FNBP1L: variants seen among roughly 807,000 people sequenced by gnomAD.
FNBP1L encodes the protein formin-binding protein 1-like.
In FNBP1L, 36 loss-of-function variants were observed where a neutral mutation model predicts 91.2. That is an observed-to-expected ratio of 0.39 (90% CI 0.30 to 0.52). The LOEUF (loss-of-function observed/expected upper bound fraction) is 0.52, where lower values mean the gene tolerates loss of function less well. Ranked by LOEUF, FNBP1L falls within the 20% of genes least tolerant of loss-of-function variation. The pLI is 0.66. For synonymous variants in FNBP1L, 242 were observed against 237.0 expected (o/e 1.02, Z -0.19); for missense variants, 571 against 732.1 (o/e 0.78, Z 2.54).
At chr1:93,547,511 A>G in intron 14 of FNBP1L, 70 bp downstream of exon 14, 3 of 1,310,960 alleles carry the variant, frequency 2.3e-6, no homozygotes, top group Non-Finnish European at 3.1e-6. Flanking sequence ...TAAACTTTAT[A>G]CAATTCGTTT....
chr1:93,450,949 TC>T (rs1668474736), intron 1 of FNBP1L, among the ~76,000 whole-genome samples: 1 of 152,230 alleles, frequency 6.6e-6, no homozygotes, highest in Admixed American at 6.5e-5. Flanking sequence ...GCTGAGTGGA[TC>T]GTGTCAGACT....
At chr1:93,498,785 G>C (rs1342449755) in intron 1 of FNBP1L, among the ~76,000 whole-genome samples, 5 of 152,146 alleles carry the variant, frequency 3.3e-5, no homozygotes, top group African/African-American at 9.7e-5. Flanking sequence ...TCATTATCAT[G>C]TTTCCTGCAT....
intron 2 of FNBP1L, among the ~76,000 whole-genome samples, chr1:93,513,254 A>C (rs1428471810): frequency 9.2e-5 from 14 of 151,552 alleles, no homozygotes; most frequent in South Asian, 6.3e-4. Context: ...CAATAACAGG[A>C]TCTGAAATTG....
intron 2 of FNBP1L, among the ~76,000 whole-genome samples, chr1:93,517,324 C>CT (rs1320366909): frequency 1.3e-5 from 2 of 151,712 alleles, no homozygotes; most frequent in South Asian, 2.1e-4. Context: ...TAAGTGTCTT[C>CT]TTTTTTTTCT....
At chr1:93,495,650 G>A (rs1475325117) in intron 1 of FNBP1L, among the ~76,000 whole-genome samples, 1 of 152,024 alleles carries the variant, frequency 6.6e-6, no homozygotes, top group Admixed American at 6.6e-5. Flanking sequence ...TTTCAAATTT[G>A]TTGACATTTT....
intron 1 of FNBP1L, among the ~76,000 whole-genome samples, chr1:93,468,720 T>G (rs1158575808): frequency 2.0e-5 from 3 of 152,206 alleles, no homozygotes; most frequent in Non-Finnish European, 4.4e-5. Flanking sequence ...TGTAAGCCAC[T>G]ACACCTGGCC....
At chr1:93,479,398 C>G (rs1247073677) in intron 1 of FNBP1L, among the ~76,000 whole-genome samples, 1 of 152,194 alleles carries the variant, frequency 6.6e-6, no homozygotes, top group Non-Finnish European at 1.5e-5. Flanking sequence ...CACGTATTAT[C>G]TTGATAAATA....
chr1:93,528,381 AC>A (rs1331553134), intron 5 of FNBP1L, among the ~76,000 whole-genome samples: 1 of 152,208 alleles, frequency 6.6e-6, no homozygotes, highest in Non-Finnish European at 1.5e-5. Flanking sequence ...CAGGATAGTT[AC>A]ACAGGAAGCC....
At chr1:93,470,849 G>A (rs1055335668) in intron 1 of FNBP1L, among the ~76,000 whole-genome samples, 1 of 150,338 alleles carries the variant, frequency 6.7e-6, no homozygotes, top group Non-Finnish European at 1.5e-5. Flanking sequence ...CTGCAGCCTG[G>A]GTGACAGAGC....
chr1:93,481,244 T>C (rs926993324), intron 1 of FNBP1L, among the ~76,000 whole-genome samples: 2 of 152,016 alleles, frequency 1.3e-5, no homozygotes, highest in Non-Finnish European at 2.9e-5. Context: ...TGTGTGCTCC[T>C]TTTTTTTCCC....
At chr1:93,497,560 T>C (rs1670307663) in intron 1 of FNBP1L, among the ~76,000 whole-genome samples, 3 of 152,200 alleles carry the variant, frequency 2.0e-5, no homozygotes, top group African/African-American at 7.2e-5. Flanking sequence ...AGTGTTCAAC[T>C]AGGAGTTTAT....
chr1:93,490,209 G>A (rs1670048103), intron 1 of FNBP1L, among the ~76,000 whole-genome samples: 3 of 152,084 alleles, frequency 2.0e-5, no homozygotes. Context: ...ACAGATAAAA[G>A]CAAGAAGACT....
chr1:93,537,165 TTGTTTA>T (rs1283288134), intron 10 of FNBP1L, among the ~76,000 whole-genome samples: 1 of 152,146 alleles, frequency 6.6e-6, no homozygotes, highest in African/African-American at 2.4e-5. Context: ...CTAATTTTTC[TTGTTTA>T]TGTTTGATTT....
intron 10 of FNBP1L, among the ~76,000 whole-genome samples, 199 bp downstream of exon 10, chr1:93,536,689 A>G (rs1416956291): frequency 6.6e-6 from 1 of 152,092 alleles, no homozygotes; most frequent in Non-Finnish European, 1.5e-5. Flanking sequence ...AAAGAATGGT[A>G]TTATAAAGAG....
At chr1:93,465,197 G>T (rs1422625774) in intron 1 of FNBP1L, among the ~76,000 whole-genome samples, 7 of 149,886 alleles carry the variant, frequency 4.7e-5, no homozygotes, top group Non-Finnish European at 8.9e-5. Context: ...CTTTTTTGGG[G>T]GGGGGGGTTC....
intron 1 of FNBP1L, 91 bp downstream of exon 1, chr1:93,448,396 C>A: frequency 2.2e-6 from 3 of 1,356,590 alleles, no homozygotes; most frequent in South Asian, 1.5e-5. Flanking sequence ...GGTGAAAGCG[C>A]GCTCCGCCGT....
At chr1:93,517,037 C>T (rs1671146622) in intron 2 of FNBP1L, among the ~76,000 whole-genome samples, 1 of 149,614 alleles carries the variant, frequency 6.7e-6, no homozygotes, top group Non-Finnish European at 1.5e-5. Context: ...TCTTCTTTTC[C>T]TCTTCCTTTT....
At chr1:93,472,617 C>A (rs571430010) in intron 1 of FNBP1L, among the ~76,000 whole-genome samples, 1 of 151,708 alleles carries the variant, frequency 6.6e-6, no homozygotes, top group East Asian at 1.9e-4. Context: ...TTGAGACCAT[C>A]CTGGCTAACA....
At chr1:93,546,551 T>TTG (rs149890105) in intron 12 of FNBP1L, among the ~76,000 whole-genome samples, 11 of 151,876 alleles carry the variant, frequency 7.2e-5, no homozygotes, top group South Asian at 4.2e-4. Context: ...GCCCTTGATT[T>TTG]TGTGTGTGTG....
Sources: allele counts gnomAD v4.1 joint callset (sites outside exome capture counted in the v4.1 genomes callset), GRCh38; gene constraint gnomAD v4.1.1; transcripts MANE v1.5; gene names NCBI Gene and HGNC (gene_info 2026-07-23, HGNC 2026-07-21).